Variants in RBFOX1 observed in about 807,000 individuals in gnomAD.
RBFOX1 encodes RNA binding fox-1 homolog 1, also known as RNA binding protein fox-1 homolog 1.
RBFOX1 carries 8 observed loss-of-function variants against 57.7 expected under a neutral mutation model. The ratio of observed to expected loss-of-function variants is 0.14; its 90% CI spans 0.08 to 0.25. The LOEUF (loss-of-function observed/expected upper bound fraction) is 0.25. RBFOX1 is among the 10% of genes least tolerant of loss of function. RBFOX1 has a pLI of 1.00. For missense variants in RBFOX1, 611 were observed against 548.5 expected (o/e 1.11, Z -1.14); for synonymous variants, 326 against 222.4 (o/e 1.47, Z -4.15).
At chr16:7,083,962 C>T (rs908587701) in intron 4 of RBFOX1, among the ~76,000 whole-genome samples, 3 of 152,058 alleles carry the variant, frequency 2.0e-5, no homozygotes, top group Non-Finnish European at 2.9e-5. Context: ...TCCTGGGACC[C>T]AGAGCTGTTT....
chr16:6,514,140 C>T (rs1011511442), intron 2 of RBFOX1, among the ~76,000 whole-genome samples: 4 of 152,166 alleles, frequency 2.6e-5, no homozygotes, highest in Non-Finnish European at 4.4e-5. Flanking sequence ...CTAGGTGTCA[C>T]GTTCCATCCA....
At chr16:5,414,447 A>C (rs550895) in intron 1 of RBFOX1, among the ~76,000 whole-genome samples, 11,929 of 152,166 alleles carry the variant, frequency 0.078, 816 homozygotes, top group African/African-American at 0.19. Context: ...ATTCCCTCTA[A>C]TCAACAGAAT....
At chr16:6,072,882 A>T (rs575963612) in intron 1 of RBFOX1, among the ~76,000 whole-genome samples, 105 of 152,268 alleles carry the variant, frequency 6.9e-4, no homozygotes, top group African/African-American at 2.4e-3. Context: ...GTCTGTTCCT[A>T]TGATTGTGGG....
At chr16:6,665,515 C>A (rs993403274) in intron 3 of RBFOX1, among the ~76,000 whole-genome samples, 2 of 151,786 alleles carry the variant, frequency 1.3e-5, no homozygotes, top group African/African-American at 2.4e-5. Context: ...ATCGCAGCTA[C>A]TTGGGAGGCT....
At chr16:6,924,420 A>G (rs544294579) in intron 3 of RBFOX1, among the ~76,000 whole-genome samples, 1 of 151,946 alleles carries the variant, frequency 6.6e-6, no homozygotes, top group African/African-American at 2.4e-5. Context: ...CGTGTGAACT[A>G]ACAGAGTGAG....
At chr16:7,445,407 G>A (rs769923504) in intron 4 of RBFOX1, among the ~76,000 whole-genome samples, 4 of 152,184 alleles carry the variant, frequency 2.6e-5, no homozygotes, top group Non-Finnish European at 5.9e-5. Flanking sequence ...TTGAGGAAAT[G>A]AAAGTAGGAA....
intron 3 of RBFOX1, among the ~76,000 whole-genome samples, chr16:5,774,124 C>G (rs1207517510): frequency 6.6e-6 from 1 of 152,162 alleles, no homozygotes; most frequent in African/African-American, 2.4e-5. Context: ...TCACGTGCAT[C>G]ATGAGTTAGC....
At chr16:6,772,642 TTG>T (rs147036966) in intron 3 of RBFOX1, among the ~76,000 whole-genome samples, 18,515 of 139,496 alleles carry the variant, frequency 0.13, 1,290 homozygotes, top group East Asian at 0.36. Flanking sequence ...TGGGGTGCAT[TTG>T]TGTGTGTGTG....
intron 3 of RBFOX1, among the ~76,000 whole-genome samples, chr16:6,759,237 A>G (rs1047677969): frequency 4.0e-5 from 6 of 149,932 alleles, no homozygotes; most frequent in Non-Finnish European, 7.4e-5. Flanking sequence ...TGGAACCTCC[A>G]CCTCCTGGGT....
chr16:6,034,351 A>AAG (rs1272708212), intron 1 of RBFOX1, among the ~76,000 whole-genome samples: 1 of 146,364 alleles, frequency 6.8e-6, no homozygotes, highest in Non-Finnish European at 1.5e-5. Flanking sequence ...AAAAAAAAAA[A>AAG]AAAAAAGAAA....
rs568637586 is a variant in RBFOX1 at position 6,778,337 on chromosome 16, G to C, written c.-16+123687G>C. Among the ~76,000 whole-genome samples, 168 of 152,164 alleles carry C rather than the reference G, an allele frequency of 1.1e-3. 1 individual carries two copies. Among genetic ancestry groups the C allele is most frequent in the Non-Finnish European group, 2.1e-3 (146 of 67,966 alleles). ...ATGATTCCTCATGTACCCATCCCCA[G>C]ATTCGATAATTAAAACTCATAGCCA... On this transcript the variant is annotated intron_variant, in intron 3 of 15. Transcript: ENST00000550418.
rs900068612 is a variant in RBFOX1 at position 6,810,081 on chromosome 16, C to T, written c.-16+155431C>T. 2.7e-5 allele frequency among the ~76,000 whole-genome samples: 4 copies of T among 149,524 alleles called. No individual in the cohort carries two copies. In the South Asian group the frequency reaches 6.4e-4, roughly 24 times the overall value. Reference sequence around the variant, plus strand: ...ACAATGCTCTGGTCTGATGGGGTCTCAGGAAGGAAACTGGTATCTATCTTT... The same window carrying T: ...ACAATGCTCTGGTCTGATGGGGTCTTAGGAAGGAAACTGGTATCTATCTTT... On this transcript the variant is annotated intron_variant, in intron 3 of 15. Coordinates refer to ENST00000550418, the MANE Select transcript of RBFOX1 (RefSeq NM_018723.4).
At chr16:5,838,054 G>C (rs2056515559) in intron 3 of RBFOX1, 1 of 152,354 alleles carries the variant, frequency 6.6e-6, no homozygotes. Context: ...TTTGGCGGGG[G>C]GGCTTGAAAA....
intron 3 of RBFOX1, among the ~76,000 whole-genome samples, chr16:6,822,543 A>G (rs2091483004): frequency 6.6e-6 from 1 of 152,210 alleles, no homozygotes; most frequent in Non-Finnish European, 1.5e-5. Context: ...TAGAGATAAA[A>G]CATGTCTTGC....
At chr16:7,477,423 G>T (rs2062971065) in intron 4 of RBFOX1, among the ~76,000 whole-genome samples, 1 of 152,160 alleles carries the variant, frequency 6.6e-6, no homozygotes, top group Non-Finnish European at 1.5e-5. Context: ...GGGGGTGGTT[G>T]TGCATCTGGT....
At chr16:7,262,934 C>G (rs1360535451) in intron 4 of RBFOX1, among the ~76,000 whole-genome samples, 1 of 152,178 alleles carries the variant, frequency 6.6e-6, no homozygotes, top group Non-Finnish European at 1.5e-5. Context: ...TTCATTGCCA[C>G]TGGACAAGAG....
rs185412348 is a variant in RBFOX1, at chr16:7,081,241, G to C, written c.27+29143G>C. 2.2e-3 allele frequency among the ~76,000 whole-genome samples: 332 copies of C among 152,304 alleles called. 2 individuals are homozygous for C. The highest frequency in any genetic ancestry group is 7.8e-3 in the African/African-American group (324 of 41,574). On this transcript the variant is annotated intron_variant, in intron 4 of 15. Transcript: ENST00000550418. ...GTGGAGGCAGGGTTTCGCCATGTTGGCTGGGCTGGTCTTGAACTGCTGACC... is the reference window on the plus strand; with the variant it reads ...GTGGAGGCAGGGTTTCGCCATGTTGCCTGGGCTGGTCTTGAACTGCTGACC...
intron 2 of RBFOX1, among the ~76,000 whole-genome samples, chr16:5,531,701 C>T (rs2044484231): frequency 6.6e-6 from 1 of 152,172 alleles, no homozygotes; most frequent in Non-Finnish European, 1.5e-5. Context: ...CAAAGCAGTG[C>T]CTGGCACATA....
chr16:5,366,805 A>G (rs2065729669), intron 1 of RBFOX1: 1 of 257,380 alleles, frequency 3.9e-6, no homozygotes, highest in Non-Finnish European at 7.5e-6. Flanking sequence ...ATCGTGTTTG[A>G]TAAATGTTGT....
Sources: gnomAD v4.1 joint callset for allele counts (sites outside exome capture counted in the v4.1 genomes callset) on GRCh38, gnomAD v4.1.1 for gene constraint, MANE v1.5 for transcripts, NCBI Gene and HGNC (gene_info 2026-07-23, HGNC 2026-07-21) for gene names.